TNFRSF12A: variants seen among roughly 807,000 people sequenced by gnomAD.
The protein encoded by TNFRSF12A is TNF receptor superfamily member 12A.
In TNFRSF12A, 13 loss-of-function variants were observed where a neutral mutation model predicts 15.5. The observed-to-expected ratio is 0.84, with a 90% confidence interval of 0.54 to 1.33. TNFRSF12A has a LOEUF of 1.33. Ranked by LOEUF, TNFRSF12A falls within the 40% of genes most tolerant of loss-of-function variation. The probability of loss-of-function intolerance (pLI) is 0.00; values close to 1 mark genes in which losing one functional copy is unlikely to be tolerated. For missense variants in TNFRSF12A, 174 were observed against 173.6 expected (o/e 1.00, Z -0.01); for synonymous variants, 89 against 78.4 (o/e 1.14, Z -0.71).
chr16:3,020,449 T>C lies in TNFRSF12A; in HGVS notation c.52T>C (p.Trp18Arg), dbSNP rs2072599776. 7.7e-7 allele frequency: 1 copy of C among 1,294,732 alleles called. No homozygotes were observed. 80.2% of individuals were successfully genotyped at this position (1,294,732 alleles called of 1,614,324 possible). The change falls in exon 1 of 4, where the codon TGG becomes CGG. Residue 18 changes from tryptophan to arginine, a missense_variant. Coordinates refer to ENST00000326577, the MANE Select transcript of TNFRSF12A (RefSeq NM_016639.3). ...RLLRLLVLGLWLALLRSVAGE... is the reference protein window; with the variant it reads ...RLLRLLVLGLRLALLRSVAGE... ...GCTGCGGCTCCTCGTGCTGGGGCTC[T>C]GGCTGGCGTTGCTGCGCTCCGTGGC...
chr16:3,022,134 G>A lies in TNFRSF12A; in HGVS notation c.*308G>A, dbSNP rs1415900931. ...GGGTGCCCTCCTTCCTAGAGGCCCT[G>A]GGGGCCAGGCTGACTTGGGGGGCAG... On this transcript the variant is annotated 3_prime_UTR_variant, in exon 4 of 4. Transcript: ENST00000326577. 1.8e-5 allele frequency: 8 copies of A among 439,042 alleles called. No homozygotes were observed. Among genetic ancestry groups the A allele is most frequent in the Non-Finnish European group, 2.8e-5 (7 of 250,122 alleles). 27.2% of individuals were successfully genotyped at this position (439,042 alleles called of 1,614,324 possible).
chr16:3,020,564 G>A (rs756293562), intron 1 of TNFRSF12A, 73 bp downstream of exon 1: 5 of 1,106,276 alleles, frequency 4.5e-6, no homozygotes, highest in Non-Finnish European at 5.8e-6. Context: ...GGAGAACAGC[G>A]CCGAACTGGG....
In TNFRSF12A at chr16:3,021,893, C is replaced by G. The variant is rs1485422164; in HGVS notation, c.*67C>G. 2 of 1,563,922 alleles carry G rather than the reference C, an allele frequency of 1.3e-6. No individual in the cohort carries two copies. Among genetic ancestry groups the G allele is most frequent in the Admixed American group, 1.8e-5 (1 of 56,446 alleles). ...CATTCATCCATTCTAGAGCCAGTCT[C>G]TGCCTCCCAGACGCGGCGGGAGCCA... On this transcript the variant is annotated 3_prime_UTR_variant, in exon 4 of 4. Coordinates refer to ENST00000326577, the MANE Select transcript of TNFRSF12A (RefSeq NM_016639.3).
rs181233313 is a variant in TNFRSF12A, at chr16:3,021,576, C to G, written c.221C>G (p.Pro74Arg). 3.3e-4 allele frequency: 540 copies of G among 1,611,980 alleles called. 4 individuals are homozygous for G. Among genetic ancestry groups the G allele is most frequent in the South Asian group, 2.3e-3 (209 of 90,956 alleles). The change falls in exon 3 of 4, where the codon CCC becomes CGC. Residue 74 changes from proline (P) to arginine (R), a missense_variant. Transcript: ENST00000326577. ...CCAGGCGCTGCAGCACCTCCTGCCC[C>G]CTTCCGGCTGCTTTGGCCCATCCTT... Reference protein sequence around the residue: ...CLGCAAAPPAPFRLLWPILGG... With the variant: ...CLGCAAAPPARFRLLWPILGG...
rs886150208 is a variant in TNFRSF12A, at chr16:3,021,299, A to G, written c.179A>G (p.His60Arg). Residue 60 changes from histidine to arginine, a missense_variant, in exon 2 of 4, where the codon CAC becomes CGC. By Grantham distance (29) the His-to-Arg change is conservative. Transcript: ENST00000326577. ...MDCASCRARP[H>R]SDFCLGCAAA... ...TGCGCGTCTTGCAGGGCGCGACCGC[A>G]CAGCGACTTCTGCCTGGGCTGTGAG... 5 of 1,585,816 alleles carry G rather than the reference A, an allele frequency of 3.2e-6. No individual in the cohort carries two copies. The highest frequency in any genetic ancestry group is 1.1e-5 in the South Asian group (1 of 89,008).
chr16:3,021,262 A>G lies in TNFRSF12A; in HGVS notation c.142A>G (p.Lys48Glu). Reference protein sequence around the residue: ...RGSSWSADLDKCMDCASCRAR... With the variant: ...RGSSWSADLDECMDCASCRAR... ...CAGCTCCTGGAGCGCGGACCTGGAC[A>G]AGTGCATGGACTGCGCGTCTTGCAG... The change falls in exon 2 of 4, where the codon AAG becomes GAG. Residue 48 changes from lysine to glutamate, a missense_variant. Physicochemically the swap from Lys to Glu is moderately conservative, Grantham distance 56. Coordinates refer to ENST00000326577, the MANE Select transcript of TNFRSF12A (RefSeq NM_016639.3). 1 of 1,592,928 alleles carries G rather than the reference A, an allele frequency of 6.3e-7. No individual in the cohort carries two copies. Among genetic ancestry groups the G allele is most frequent in the Non-Finnish European group, 8.5e-7 (1 of 1,175,160 alleles).
In TNFRSF12A at chr16:3,021,955, A is replaced by C; in HGVS notation, c.*129A>C. ...CCACAAGGGGGGTGGGGGGCGGTGA[A>C]TCACCTCTGAGGCCTGGGCCCAGGG... On this transcript the variant is annotated 3_prime_UTR_variant, in exon 4 of 4. Coordinates refer to ENST00000326577, the MANE Select transcript of TNFRSF12A (RefSeq NM_016639.3). 18 of 1,043,724 alleles carry C rather than the reference A, an allele frequency of 1.7e-5. No homozygotes were observed. The highest frequency in any genetic ancestry group is 2.5e-5 in the Non-Finnish European group (18 of 722,918). The allele number at this position is 1,043,724 out of a possible 1,614,324, so 64.7% of individuals were successfully genotyped here.
In TNFRSF12A at chr16:3,021,779, G is replaced by C; in HGVS notation, c.343G>C (p.Glu115Gln). Residue 115 changes from glutamate to glutamine, a missense_variant, in exon 4 of 4, where the codon GAG (glutamate) becomes CAG (glutamine). Coordinates refer to ENST00000326577, the MANE Select transcript of TNFRSF12A (RefSeq NM_016639.3). ...RRREKFTTPI[E>Q]ETGGEGCPAV... ...CACCTCTTATCTTGCAGCCCCCATA[G>C]AGGAGACCGGCGGAGAGGGCTGCCC... 1 of 1,613,380 alleles carries C rather than the reference G, an allele frequency of 6.2e-7. No homozygotes were observed. The highest frequency in any genetic ancestry group is 1.1e-5 in the South Asian group (1 of 90,974).
intron 1 of TNFRSF12A, chr16:3,021,012 C>G (rs2072605393): frequency 8.1e-6 from 4 of 495,134 alleles, no homozygotes; most frequent in Middle Eastern, 5.1e-4. Context: ...GTTGTGGGGA[C>G]CTGACCCCCC....
At chr16:3,021,711 C>T (rs767792660) in intron 3 of TNFRSF12A, 22 bp downstream of exon 3, 1 of 1,611,932 alleles carries the variant, frequency 6.2e-7, no homozygotes, top group Non-Finnish European at 8.5e-7. Context: ...CTGGCCTGCC[C>T]AGCCCTGTCA....
rs1427109647 is a variant in TNFRSF12A, at chr16:3,021,847, G to A, written c.*21G>A. 2 of 1,609,932 alleles carry A rather than the reference G, an allele frequency of 1.2e-6. No homozygotes were observed. The highest frequency in any genetic ancestry group is 8.5e-7 in the Non-Finnish European group (1 of 1,179,006). Reference sequence around the variant, plus strand: ...AGTGACAATGTGCCCCCTGCCAGCCGGGGCTCGCCCACTCATCATTCATTC... The same window carrying A: ...AGTGACAATGTGCCCCCTGCCAGCCAGGGCTCGCCCACTCATCATTCATTC... On this transcript the variant is annotated 3_prime_UTR_variant, in exon 4 of 4. Transcript: ENST00000326577.
chr16:3,021,452 G>T, intron 2 of TNFRSF12A, 103 bp from the exon 3 acceptor site: 1 of 1,438,350 alleles, frequency 7.0e-7, no homozygotes, highest in Non-Finnish European at 9.2e-7. Flanking sequence ...AGGGGGCTCC[G>T]GTCAGGGAGG....
intron 1 of TNFRSF12A, chr16:3,020,735 GAAGT>G (rs2072602284): frequency 2.5e-6 from 1 of 399,506 alleles, no homozygotes; most frequent in African/African-American, 2.1e-5. Context: ...CCACAAGTCC[GAAGT>G]ACTTCGAATG....
At chr16:3,021,400 C>G in intron 2 of TNFRSF12A, 81 bp downstream of exon 2, 1 of 1,431,184 alleles carries the variant, frequency 7.0e-7, no homozygotes, top group Non-Finnish European at 9.2e-7. Context: ...GGGCCGAGAG[C>G]TTTGCATCTG....
chr16:3,021,307 T>C lies in TNFRSF12A; in HGVS notation c.187T>C (p.Phe63Leu). The change falls in exon 2 of 4, where the codon TTC (phenylalanine) becomes CTC (leucine). Residue 63 changes from phenylalanine to leucine, a missense_variant. Phe to Leu is a conservative substitution (Grantham distance 22). Transcript: ENST00000326577. ...TTGCAGGGCGCGACCGCACAGCGACTTCTGCCTGGGCTGTGAGTGGGGGGC... is the reference window on the plus strand; with the variant it reads ...TTGCAGGGCGCGACCGCACAGCGACCTCTGCCTGGGCTGTGAGTGGGGGGC... ...ASCRARPHSD[F>L]CLGCAAAPPA... 1 of 1,582,808 alleles carries C rather than the reference T, an allele frequency of 6.3e-7. No homozygotes were observed. The highest frequency in any genetic ancestry group is 8.5e-7 in the Non-Finnish European group (1 of 1,170,358).
intron 1 of TNFRSF12A, 45 bp from the exon 2 acceptor site, chr16:3,021,170 A>G: frequency 1.9e-6 from 2 of 1,068,260 alleles, no homozygotes; most frequent in Admixed American, 2.7e-5. Context: ...ACCCCAGAAT[A>G]GCCGAGTCCC....
intron 1 of TNFRSF12A, 23 bp downstream of exon 1, chr16:3,020,514 G>A (rs909834487): frequency 4.7e-6 from 6 of 1,281,330 alleles, no homozygotes; most frequent in Admixed American, 3.1e-5. Context: ...CCGGGGTCGG[G>A]GAACCCCGGG....
At chr16:3,020,564 G>C in intron 1 of TNFRSF12A, 73 bp downstream of exon 1, 1 of 1,106,394 alleles carries the variant, frequency 9.0e-7, no homozygotes, top group East Asian at 3.2e-5. Context: ...GGAGAACAGC[G>C]CCGAACTGGG....
rs778435297 is a variant in TNFRSF12A, at chr16:3,021,935, AGGGGGGTG to A, written c.*115_*122del. The A allele has an allele frequency of 8.2e-7, 1 of 1,222,566 alleles. No homozygotes were observed. Among genetic ancestry groups the A allele is most frequent in the East Asian group, 2.5e-5 (1 of 40,672 alleles). The allele number at this position is 1,222,566 out of a possible 1,614,324, so 75.7% of individuals were successfully genotyped here. A position where few individuals can be genotyped will look rare whatever the true frequency, so the allele number is the denominator to read the frequency against. ...CGGGAGCCAAGCTCCTCCAACCACA[AGGGGGGTG>A]GGGGGCGGTGAATCACCTCTGAGGC... On this transcript the variant is annotated 3_prime_UTR_variant, in exon 4 of 4. Transcript: ENST00000326577.
Sources: gnomAD v4.1 joint callset for allele counts on GRCh38, gnomAD v4.1.1 for gene constraint, MANE v1.5 for transcripts, NCBI Gene and HGNC (gene_info 2026-07-23, HGNC 2026-07-21) for gene names.